The following SH3RF3 variants were observed in gnomAD, a reference collection of about 807,000 sequenced individuals.
SH3RF3 encodes SH3 domain containing ring finger 3.
SH3RF3 carries 29 observed loss-of-function variants against 66.3 expected under a neutral mutation model. The ratio of observed to expected loss-of-function variants is 0.44; its 90% CI spans 0.33 to 0.60. The LOEUF is 0.60. Among genes scored for constraint, SH3RF3 ranks in the 20% least tolerant of loss-of-function variants. The pLI is 0.04. For missense variants in SH3RF3, 1,194 were observed against 1,190.9 expected, an observed-to-expected ratio of 1.00 and a Z score of -0.04; for synonymous variants, 583 against 532.0, an observed-to-expected ratio of 1.10 and a Z score of -1.32.
chr2:109,139,947 G>A (rs747942371), intron 1 of SH3RF3, among the ~76,000 whole-genome samples: 3 of 152,180 alleles, frequency 2.0e-5, no homozygotes, highest in Non-Finnish European at 4.4e-5. Flanking sequence ...GGCAGATGGA[G>A]GCTGTTTGTC....
rs774912101 is a variant in SH3RF3, at chr2:109,503,978, G to A, written c.*2307G>A. 6.6e-6 allele frequency: 1 copy of A among 152,256 alleles called. No homozygotes were observed. Among genetic ancestry groups the A allele is most frequent in the Non-Finnish European group, 1.5e-5 (1 of 68,072 alleles). The allele number at this position is 152,256 out of a possible 1,614,324, so 9.4% of individuals were successfully genotyped here. ...CGGGTGGGCGTTGGTGCCACCTTAG[G>A]AAGGAGAGCGATGCGTGGGTCTGGC... On this transcript the variant is annotated 3_prime_UTR_variant, in exon 10 of 10. Coordinates refer to ENST00000309415, the MANE Select transcript of SH3RF3 (RefSeq NM_001099289.3).
intron 3 of SH3RF3, among the ~76,000 whole-genome samples, chr2:109,390,211 A>G (rs1309963237): frequency 6.6e-6 from 1 of 152,176 alleles, no homozygotes; most frequent in Admixed American, 6.5e-5. Flanking sequence ...GTGGAGAATA[A>G]GTGATGCCCT....
chr2:109,275,761 C>G (rs921348821), intron 1 of SH3RF3, among the ~76,000 whole-genome samples: 2 of 152,204 alleles, frequency 1.3e-5, no homozygotes, highest in Non-Finnish European at 2.9e-5. Context: ...GCACCTGCTT[C>G]CCTGTGCTAA....
chr2:109,454,573 C>T (rs2104656765), intron 8 of SH3RF3, among the ~76,000 whole-genome samples: 1 of 152,296 alleles, frequency 6.6e-6, no homozygotes, highest in Admixed American at 6.5e-5. Context: ...TGCTGAGGTT[C>T]CCCAAGGCTC....
chr2:109,212,682 C>A (rs1167948821), intron 1 of SH3RF3, among the ~76,000 whole-genome samples: 1 of 152,186 alleles, frequency 6.6e-6, no homozygotes, highest in Admixed American at 6.5e-5. Context: ...AATGGACTCA[C>A]CTGATTGTAA....
intron 1 of SH3RF3, among the ~76,000 whole-genome samples, chr2:109,283,496 C>T (rs1396181752): frequency 6.6e-6 from 1 of 152,108 alleles, no homozygotes; most frequent in African/African-American, 2.4e-5. Context: ...TGGTGTTGTC[C>T]ACAAAGGTCT....
chr2:109,302,969 CAGGT>C (rs1681506248), intron 1 of SH3RF3, among the ~76,000 whole-genome samples: 1 of 152,082 alleles, frequency 6.6e-6, no homozygotes, highest in Admixed American at 6.5e-5. Context: ...CTCTGCCTCC[CAGGT>C]TCAAGCGATT....
chr2:109,499,585 G>T (rs1056962205), intron 9 of SH3RF3, among the ~76,000 whole-genome samples: 10 of 152,196 alleles, frequency 6.6e-5, no homozygotes, highest in Non-Finnish European at 2.9e-5. Flanking sequence ...TGGGAGTGGG[G>T]ATGGGGCCCT....
chr2:109,408,518 G>A (rs1021981174), intron 4 of SH3RF3, among the ~76,000 whole-genome samples: 1 of 152,178 alleles, frequency 6.6e-6, no homozygotes. Context: ...GGTCCCACAC[G>A]CGCTCACGCC....
chr2:109,229,051 C>T (rs1679437794), intron 1 of SH3RF3, among the ~76,000 whole-genome samples: 1 of 152,154 alleles, frequency 6.6e-6, no homozygotes, highest in South Asian at 2.1e-4. Flanking sequence ...CCAGCAAATA[C>T]CAAGGGATTA....
At chr2:109,481,767 G>C (rs917425760) in intron 8 of SH3RF3, among the ~76,000 whole-genome samples, 2 of 151,940 alleles carry the variant, frequency 1.3e-5, no homozygotes, top group African/African-American at 4.8e-5. Context: ...GTCACTCCTC[G>C]GCCTCCCCTC....
intron 8 of SH3RF3, among the ~76,000 whole-genome samples, chr2:109,474,659 C>G (rs1274477606): frequency 1.3e-5 from 2 of 152,226 alleles, no homozygotes; most frequent in African/African-American, 4.8e-5. Context: ...CTGGTCTGCC[C>G]TGGACAGCAT....
intron 3 of SH3RF3, among the ~76,000 whole-genome samples, chr2:109,375,021 C>T (rs1261725211): frequency 6.6e-6 from 1 of 152,250 alleles, no homozygotes; most frequent in Non-Finnish European, 1.5e-5. Context: ...TGGCCTTGCA[C>T]TGCTTCAGCT....
Position 109,296,832 on chromosome 2 carries a change from T to C in SH3RF3, c.574-50842T>C, listed in dbSNP as rs200237676. Among the ~76,000 whole-genome samples, 52 of 152,294 alleles carry C rather than the reference T, an allele frequency of 3.4e-4. No individual in the cohort carries two copies. In the East Asian group the frequency reaches 9.8e-3, roughly 29 times the overall value. ...ACCACACTAGCAGAGCTGCTGCCAG[T>C]GGCCCCCAAGGCGTCTCACCTCCTG... On this transcript the variant is annotated intron_variant, in intron 1 of 9. Coordinates refer to ENST00000309415, the MANE Select transcript of SH3RF3 (RefSeq NM_001099289.3).
At chr2:109,249,964 G>C (rs185876684) in intron 1 of SH3RF3, among the ~76,000 whole-genome samples, 1 of 151,840 alleles carries the variant, frequency 6.6e-6, no homozygotes, top group Non-Finnish European at 1.5e-5. Flanking sequence ...GATTACAGGC[G>C]TGAGCCACCG....
chr2:109,208,069 G>C (rs1356153729), intron 1 of SH3RF3, among the ~76,000 whole-genome samples: 1 of 152,034 alleles, frequency 6.6e-6, no homozygotes, highest in African/African-American at 2.4e-5. Flanking sequence ...AAATATTTAC[G>C]GAATGCCTGT....
intron 1 of SH3RF3, among the ~76,000 whole-genome samples, chr2:109,224,304 A>G (rs558830852): frequency 6.6e-6 from 1 of 152,384 alleles, no homozygotes; most frequent in African/African-American, 2.4e-5. Context: ...TAGTGATGCT[A>G]AAACTATATG....
intron 4 of SH3RF3, among the ~76,000 whole-genome samples, chr2:109,404,760 C>T (rs1166659199): frequency 3.3e-5 from 5 of 152,094 alleles, no homozygotes; most frequent in Middle Eastern, 3.2e-3. Flanking sequence ...TGGATGTGCT[C>T]GACTCTCTGC....
intron 1 of SH3RF3, among the ~76,000 whole-genome samples, chr2:109,235,933 GTTGGTT>G: frequency 4.6e-5 from 7 of 151,986 alleles, no homozygotes; most frequent in African/African-American, 1.5e-4. Context: ...AGGCTGTGGG[GTTGGTT>G]TCACCTTGAC....
Sources: gnomAD v4.1 joint callset for allele counts (sites outside exome capture counted in the v4.1 genomes callset) on GRCh38, gnomAD v4.1.1 for gene constraint, MANE v1.5 for transcripts, NCBI Gene and HGNC (gene_info 2026-07-23, HGNC 2026-07-21) for gene names.